Variants in C5 observed in about 807,000 individuals in gnomAD.
The protein encoded by C5 is C3 and PZP-like alpha-2-macroglobulin domain-containing protein 4.
Under a neutral mutation model 218.8 loss-of-function variants are expected in C5, and 140 were observed. The ratio of observed to expected loss-of-function variants is 0.64; its 90% CI spans 0.56 to 0.74. The LOEUF (loss-of-function observed/expected upper bound fraction) is 0.74. Ranked by LOEUF, C5 falls within the 30% of genes least tolerant of loss-of-function variation. The pLI, the probability that C5 is intolerant of heterozygous loss-of-function variation, is 0.00. For synonymous variants in C5, 614 were observed against 682.3 expected (o/e 0.90, Z 1.56); for missense variants, 1,700 against 1,969.6 (o/e 0.86, Z 2.59).
At chr9:120,956,602 G>C (rs568906294) in intron 39 of C5, among the ~76,000 whole-genome samples, 25 of 152,146 alleles carry the variant, frequency 1.6e-4, no homozygotes, top group African/African-American at 5.3e-4. Flanking sequence ...ATAGCCAAAG[G>C]AATTCTAAGC....
At chr9:121,042,963 T>C (rs1382388710) in intron 3 of C5, 41 bp downstream of exon 3, 2 of 1,547,218 alleles carry the variant, frequency 1.3e-6, no homozygotes, top group Admixed American at 1.7e-5. Flanking sequence ...GTCAATACTG[T>C]CAAATCCCCC....
intron 20 of C5, among the ~76,000 whole-genome samples, chr9:121,003,987 G>A (rs1394715915): frequency 6.6e-6 from 1 of 152,036 alleles, no homozygotes; most frequent in Non-Finnish European, 1.5e-5. Flanking sequence ...TCCGGCCTCT[G>A]TCTCCCGAGT....
rs2047316798 is a variant in C5 at position 121,017,415 on chromosome 9, C to T, written c.1813G>A (p.Val605Met). ...TGGACTCCATACACAGCACTGTCCA[C>T]TGCTGCTAATGCCACCCAGGAATCC... ...GMDSWVALAA[V>M]DSAVYGVQRG... The change falls in exon 14 of 41, where the codon GTG (valine) becomes ATG (methionine). Residue 605 changes from valine (V) to methionine (M), a missense_variant. By Grantham distance (21) the Val-to-Met change is conservative. Transcript: ENST00000223642. The T allele has an allele frequency of 4.3e-6, 7 of 1,614,018 alleles. No homozygotes were observed. Among genetic ancestry groups the T allele is most frequent in the Middle Eastern group, 3.3e-4 (2 of 6,062 alleles).
intron 3 of C5, among the ~76,000 whole-genome samples, chr9:121,041,159 G>C (rs1035595140): frequency 3.3e-5 from 5 of 151,656 alleles, no homozygotes; most frequent in Admixed American, 6.6e-5. Flanking sequence ...GGTCAGGCTG[G>C]TCTCAAACTC....
chr9:121,025,674 G>T, intron 8 of C5, 94 bp from the exon 9 acceptor site: 1 of 1,203,550 alleles, frequency 8.3e-7, no homozygotes, highest in Non-Finnish European at 1.2e-6. Flanking sequence ...TAAATTGAAG[G>T]TAAATGTCAG....
intron 36 of C5, 34 bp downstream of exon 36, chr9:120,962,637 T>A: frequency 7.0e-7 from 1 of 1,429,976 alleles, no homozygotes; most frequent in African/African-American, 1.4e-5. Context: ...TACAAAGTAT[T>A]CTTCTGAAGA....
rs1390476626 is a variant in C5, at chr9:120,952,775, A to C, written c.4995T>G (p.Asp1665Glu). 9 of 1,613,830 alleles carry C rather than the reference A, an allele frequency of 5.6e-6. No individual in the cohort carries two copies. Among genetic ancestry groups the C allele is most frequent in the Non-Finnish European group, 5.9e-6 (7 of 1,179,942 alleles). Residue 1665 changes from aspartate to glutamate, a missense_variant, in exon 41 of 41, where the codon GAT (aspartate) becomes GAG (glutamate). Coordinates refer to ENST00000223642, the MANE Select transcript of C5 (RefSeq NM_001735.3). ...TTAAAAAGATATCTTCGGCAAATTC[A>C]TCTAAATTAGCTAAAAATGCTTGAC... Reference protein sequence around the residue: ...SSCQAFLANLDEFAEDIFLNG... With the variant: ...SSCQAFLANLEEFAEDIFLNG...
rs1315907271 is a variant in C5, at chr9:120,996,253, A to G, written c.2838T>C (p.Pro946=). 6.2e-7 allele frequency: 1 copy of G among 1,605,906 alleles called. No homozygotes were observed. The highest frequency in any genetic ancestry group is 8.5e-7 in the Non-Finnish European group (1 of 1,172,572). Residue 946 remains proline, a synonymous_variant, in exon 22 of 41, where the codon CCT becomes CCC. Coordinates refer to ENST00000223642, the MANE Select transcript of C5 (RefSeq NM_001735.3). ...RESYSGVTLD[P]RGIYGTISRR... is the part of the protein sequence containing the mutation. Reference sequence around the variant, plus strand: ...CATTTTGCCTACCATAAATACCCCTAGGATCCAAAGTAACACCAGAATAGC... The same window carrying G: ...CATTTTGCCTACCATAAATACCCCTGGGATCCAAAGTAACACCAGAATAGC...
At chr9:120,999,179 G>A (rs2047140508) in intron 20 of C5, among the ~76,000 whole-genome samples, 1 of 152,112 alleles carries the variant, frequency 6.6e-6, no homozygotes, top group African/African-American at 2.4e-5. Flanking sequence ...AAGTGGTTCT[G>A]GTTTCAGTAA....
intron 1 of C5, among the ~76,000 whole-genome samples, chr9:121,047,174 C>T (rs1252984546): frequency 6.6e-6 from 1 of 152,122 alleles, no homozygotes; most frequent in Non-Finnish European, 1.5e-5. Context: ...GATGCTGGTA[C>T]TATCATTATT....
chr9:120,965,419 C>T (rs1375115949), intron 33 of C5, among the ~76,000 whole-genome samples: 2 of 151,972 alleles, frequency 1.3e-5, no homozygotes, highest in Non-Finnish European at 2.9e-5. Flanking sequence ...ACTTAAGAGG[C>T]TGAGGCACGA....
chr9:121,060,298 T>G, the C5 span, among the ~76,000 whole-genome samples: 1 of 152,210 alleles, frequency 6.6e-6, no homozygotes, highest in African/African-American at 2.4e-5. Flanking sequence ...AGTCAATGCT[T>G]AGGTGCGACA....
At chr9:121,030,809 A>G (rs908573559) in intron 6 of C5, among the ~76,000 whole-genome samples, 4 of 152,364 alleles carry the variant, frequency 2.6e-5, no homozygotes, top group Non-Finnish European at 5.9e-5. Flanking sequence ...GTGACATAAC[A>G]TAATGAAATT....
intron 18 of C5, among the ~76,000 whole-genome samples, chr9:121,008,047 G>T (rs1231582345): frequency 6.6e-6 from 1 of 152,056 alleles, no homozygotes; most frequent in Non-Finnish European, 1.5e-5. Flanking sequence ...ACTTTAAAAA[G>T]AAAACTTTTC....
At chr9:121,053,254 A>T (rs1041358329), upstream of C5, among the ~76,000 whole-genome samples, 2 of 152,230 alleles carry the variant, frequency 1.3e-5, no homozygotes, top group Non-Finnish European at 2.9e-5. Flanking sequence ...GGGTTATTCT[A>T]AGTAAAACCC....
rs563448802 is a variant in C5, at chr9:121,034,915, C to G, written c.493-21G>C. The G allele has an allele frequency of 4.8e-6, 6 of 1,250,514 alleles. No homozygotes were observed. In the Admixed American group the frequency reaches 1.0e-4, roughly 22 times the overall value. The allele number at this position is 1,250,514 out of a possible 1,614,324, so 77.5% of individuals were successfully genotyped here. On this transcript the variant is annotated intron_variant, in intron 4 of 40. Transcript: ENST00000223642. ...GGATCCTGTAAATAAAAACAAACAC[C>G]CTCAAAGGCCAGAAACTACATTTTA...
intron 38 of C5, among the ~76,000 whole-genome samples, chr9:120,957,823 T>C (rs945812139): frequency 3.9e-5 from 6 of 152,218 alleles, no homozygotes; most frequent in African/African-American, 1.4e-4. Context: ...CCTCATATAG[T>C]TCCACTGGCT....
At chr9:120,971,024 T>C (rs971013223) in intron 31 of C5, among the ~76,000 whole-genome samples, 1 of 151,840 alleles carries the variant, frequency 6.6e-6, no homozygotes, top group Non-Finnish European at 1.5e-5. Flanking sequence ...ATACAAAAAT[T>C]AGCCAGGCGT....
intron 21 of C5, among the ~76,000 whole-genome samples, chr9:120,996,963 T>C (rs560319115): frequency 4.0e-4 from 61 of 151,868 alleles, no homozygotes; most frequent in African/African-American, 1.4e-3. Context: ...ATAAAAATAT[T>C]AATGTTAATA....
Sources: gnomAD v4.1 joint callset for allele counts (sites outside exome capture counted in the v4.1 genomes callset) on GRCh38, gnomAD v4.1.1 for gene constraint, MANE v1.5 for transcripts, NCBI Gene and HGNC (gene_info 2026-07-23, HGNC 2026-07-21) for gene names.